The following KIF21A variants were observed in gnomAD, a reference collection of about 807,000 sequenced individuals.
KIF21A encodes kinesin-like protein KIF21A.
A neutral mutation model predicts 202.9 loss-of-function variants in KIF21A; 114 were observed. The observed-to-expected ratio is 0.56, with a 90% CI of 0.48 to 0.66. KIF21A has a LOEUF of 0.66. KIF21A is among the 30% of genes least tolerant of loss of function. KIF21A has a pLI of 0.00. For synonymous variants in KIF21A, 667 were observed against 670.8 expected (o/e 0.99, Z 0.09); for missense variants, 1,677 against 1,994.9 (o/e 0.84, Z 3.04).
chr12:39,443,039 G>A lies in KIF21A; in HGVS notation c.-69C>T. ...AGAGCTGAGGCGCCACTGGGGCCGC[G>A]GGACTCGGGCGCAGTAGGCTGGGGC... is the stretch of plus-strand genomic sequence containing the variant. On this transcript the variant is annotated 5_prime_UTR_variant, in exon 1 of 38. Coordinates refer to ENST00000361418, the MANE Select transcript of KIF21A (RefSeq NM_001173464.2). 2 of 1,471,796 alleles carry A rather than the reference G, an allele frequency of 1.4e-6. No homozygotes were observed. Among genetic ancestry groups the A allele is most frequent in the Non-Finnish European group, 1.8e-6 (2 of 1,113,026 alleles). 91.2% of individuals were successfully genotyped at this position (1,471,796 alleles called of 1,614,324 possible).
In KIF21A at chr12:39,370,127, T is replaced by C. The variant is rs1949854726; in HGVS notation, c.179A>G (p.Gln60Arg). 2.5e-6 allele frequency: 4 copies of C among 1,613,510 alleles called. No individual in the cohort carries two copies. Among genetic ancestry groups the C allele is most frequent in the Non-Finnish European group, 3.4e-6 (4 of 1,179,656 alleles). Residue 60 changes from glutamine (Q) to arginine (R), a missense_variant, in exon 2 of 38, where the codon CAG (glutamine) becomes CGG (arginine). This residue lies in a region of KIF21A where 966 missense variants were observed against 1,180.9 expected (regional missense o/e 0.82). Transcript: ENST00000361418. ...TFDYVFDIDS[Q>R]QEQIYIQCIE... ...ACATTGAATGTAGATCTGCTCTTGC[T>C]GGGAGTCAATGTCAAATACATAGTC...
intron 1 of KIF21A, among the ~76,000 whole-genome samples, chr12:39,393,907 A>G (rs1165409478): frequency 6.6e-6 from 1 of 152,186 alleles, no homozygotes; most frequent in Non-Finnish European, 1.5e-5. Flanking sequence ...TTATTGATGA[A>G]GAACAAGGAA....
chr12:39,370,391 T>A, intron 1 of KIF21A, 130 bp from the exon 2 acceptor site: 1 of 674,494 alleles, frequency 1.5e-6, no homozygotes, highest in Non-Finnish European at 2.6e-6. Context: ...CTTATTCAGT[T>A]GAAAAGTTTA....
At chr12:39,370,585 C>G (rs1394404107) in intron 1 of KIF21A, among the ~76,000 whole-genome samples, 1 of 152,084 alleles carries the variant, frequency 6.6e-6, no homozygotes, top group Admixed American at 6.5e-5. Context: ...ATAAATTCTG[C>G]TACCAAAATG....
At chr12:39,421,372 C>CTTTTAAGCA (rs1323708188) in intron 1 of KIF21A, among the ~76,000 whole-genome samples, 4 of 152,118 alleles carry the variant, frequency 2.6e-5, no homozygotes, top group Non-Finnish European at 4.4e-5. Flanking sequence ...CAAAACATGA[C>CTTTTAAGCA]TGTAATATAA....
intron 23 of KIF21A, 119 bp from the exon 24 acceptor site, chr12:39,330,381 T>C (rs1490808590): frequency 8.2e-6 from 7 of 858,258 alleles, no homozygotes; most frequent in East Asian, 2.4e-5. Context: ...ATAGATGCCA[T>C]AGCAAACACT....
chr12:39,436,848 C>G (rs1938868382), intron 1 of KIF21A, among the ~76,000 whole-genome samples: 1 of 151,978 alleles, frequency 6.6e-6, no homozygotes. Flanking sequence ...TCCACAAATC[C>G]CCTTTCCAAA....
At chr12:39,307,303 T>G (rs1163477711) in intron 34 of KIF21A, among the ~76,000 whole-genome samples, 2 of 152,140 alleles carry the variant, frequency 1.3e-5, no homozygotes, top group African/African-American at 2.4e-5. Flanking sequence ...TAGGCAAATA[T>G]TAAGAAATTG....
intron 1 of KIF21A, among the ~76,000 whole-genome samples, chr12:39,402,775 A>G (rs1055416616): frequency 2.6e-5 from 4 of 152,136 alleles, no homozygotes; most frequent in Non-Finnish European, 1.5e-5. Flanking sequence ...CTCATCAACT[A>G]TCATTAGTGT....
At chr12:39,433,592 C>T (rs2140387949) in intron 1 of KIF21A, among the ~76,000 whole-genome samples, 1 of 152,188 alleles carries the variant, frequency 6.6e-6, no homozygotes, top group South Asian at 2.1e-4. Context: ...CTTTAGTTAC[C>T]ATTCTCTTAC....
chr12:39,320,728 A>G (rs1945130484), intron 27 of KIF21A, among the ~76,000 whole-genome samples: 1 of 151,744 alleles, frequency 6.6e-6, no homozygotes. Context: ...TGAGGTCATG[A>G]GTTCAAAACC....
intron 1 of KIF21A, among the ~76,000 whole-genome samples, chr12:39,379,326 TA>T (rs58672877): frequency 0.3 from 39,361 of 129,396 alleles, 6,267 homozygotes; most frequent in African/African-American, 0.49. Context: ...AGACTCTGTC[TA>T]AAAAAAAAAA....
chr12:39,416,815 G>GTACATATATATGTGTA lies in KIF21A; in HGVS notation c.44+26111_44+26112insTACACATATATATGTA, dbSNP rs1566271464. 9.1e-4 allele frequency among the ~76,000 whole-genome samples: 86 copies of GTACATATATATGTGTA among 94,150 alleles called. 8 individuals carry two copies. In the South Asian group the frequency reaches 9.7e-3, roughly 11 times the overall value. 61.8% of individuals were successfully genotyped at this position (94,150 alleles called of 152,430 possible). On this transcript the variant is annotated intron_variant, in intron 1 of 37. Transcript: ENST00000361418. ...TATATATATGTACATATATATGTGTGTATATATGTACATATATGTGTATAT... is the reference window on the plus strand; with the variant it reads ...TATATATATGTACATATATATGTGTGTACATATATATGTGTATATATATGTACATATATGTGTATAT...
At chr12:39,423,983 CAAAAAAA>C (rs35526386) in intron 1 of KIF21A, among the ~76,000 whole-genome samples, 13 of 25,668 alleles carry the variant, frequency 5.1e-4, no homozygotes, top group East Asian at 1.7e-3. Context: ...GACTCTGTCT[CAAAAAAA>C]AAAAAAAAAA....
At chr12:39,401,889 CA>C (rs1952197148) in intron 1 of KIF21A, among the ~76,000 whole-genome samples, 1 of 152,032 alleles carries the variant, frequency 6.6e-6, no homozygotes, top group Non-Finnish European at 1.5e-5. Context: ...ACAGCTTCTC[CA>C]AAACTTCATT....
intron 1 of KIF21A, among the ~76,000 whole-genome samples, chr12:39,421,057 G>A (rs143990047): frequency 6.2e-4 from 95 of 152,318 alleles, no homozygotes; most frequent in African/African-American, 2.0e-3. Flanking sequence ...ATGACTGACC[G>A]CATATTCAAC....
chr12:39,302,940 A>G, intron 36 of KIF21A, 25 bp downstream of exon 36: 1 of 1,604,306 alleles, frequency 6.2e-7, no homozygotes, highest in South Asian at 1.1e-5. Flanking sequence ...TGCCCACTCT[A>G]TACCATGAAA....
chr12:39,310,531 C>A (rs1943925974), intron 32 of KIF21A, among the ~76,000 whole-genome samples: 1 of 152,016 alleles, frequency 6.6e-6, no homozygotes. Flanking sequence ...ACCTTTCTAG[C>A]CTCAATGACC....
intron 1 of KIF21A, among the ~76,000 whole-genome samples, chr12:39,403,015 C>G (rs2139889804): frequency 6.6e-6 from 1 of 152,240 alleles, no homozygotes; most frequent in African/African-American, 2.4e-5. Flanking sequence ...TGAGAACTGG[C>G]ACTACATGTA....
Sources: gnomAD v4.1 joint callset for allele counts (sites outside exome capture counted in the v4.1 genomes callset) on GRCh38, gnomAD v4.1.1 for gene constraint, gnomAD v4.1.1 regional missense constraint, MANE v1.5 for transcripts, NCBI Gene and HGNC (gene_info 2026-07-23, HGNC 2026-07-21) for gene names.